SGCZ: variants seen among roughly 807,000 people sequenced by gnomAD.
SGCZ encodes the protein zeta-sarcoglycan.
SGCZ carries 40 observed loss-of-function variants against 41.3 expected under a neutral mutation model. The observed-to-expected ratio is 0.97, with a 90% CI of 0.75 to 1.26. The LOEUF is 1.26. SGCZ is among the 50% of genes most tolerant of loss of function. The pLI is 0.00. For missense variants in SGCZ, 552 were observed against 369.8 expected, an observed-to-expected ratio of 1.49 and a Z score of -4.04; for synonymous variants, 206 against 137.5, an observed-to-expected ratio of 1.50 and a Z score of -3.49.
At chr8:15,191,573 ATT>A (rs1298843345) in intron 1 of SGCZ, among the ~76,000 whole-genome samples, 1 of 151,998 alleles carries the variant, frequency 6.6e-6, no homozygotes, top group Admixed American at 6.6e-5. Flanking sequence ...CTAATTCATC[ATT>A]GTTTTTGAAA....
intron 1 of SGCZ, among the ~76,000 whole-genome samples, chr8:15,209,348 T>C (rs577676704): frequency 2.4e-4 from 37 of 152,046 alleles, no homozygotes; most frequent in Non-Finnish European, 3.7e-4. Context: ...AAGGGAGTAC[T>C]AAAAATTAAG....
chr8:14,375,924 C>G (rs1160830506), intron 2 of SGCZ, among the ~76,000 whole-genome samples: 1 of 152,088 alleles, frequency 6.6e-6, no homozygotes, highest in East Asian at 1.9e-4. Context: ...TATCAAAATG[C>G]TGGTCCCTGA....
intron 5 of SGCZ, among the ~76,000 whole-genome samples, chr8:14,110,875 A>G (rs1472786328): frequency 1.3e-5 from 2 of 152,062 alleles, no homozygotes; most frequent in Non-Finnish European, 2.9e-5. Context: ...CAACAGGGCA[A>G]AAATCCTCTC....
intron 4 of SGCZ, among the ~76,000 whole-genome samples, chr8:14,213,116 A>G (rs1266694493): frequency 2.0e-5 from 3 of 152,088 alleles, no homozygotes; most frequent in Non-Finnish European, 4.4e-5. Context: ...ACAGAAGGAG[A>G]GGAGTAAGAA....
chr8:14,256,643 T>C (rs1264275903), intron 3 of SGCZ, among the ~76,000 whole-genome samples: 3 of 152,188 alleles, frequency 2.0e-5, no homozygotes. Context: ...ATTAGAAAGA[T>C]GTAGTTTACC....
intron 2 of SGCZ, among the ~76,000 whole-genome samples, chr8:14,506,057 G>A (rs1456075973): frequency 6.6e-6 from 1 of 151,634 alleles, no homozygotes; most frequent in Non-Finnish European, 1.5e-5. Flanking sequence ...AATTTTCTGG[G>A]CCAGGTGCAG....
intron 1 of SGCZ, among the ~76,000 whole-genome samples, chr8:15,016,071 C>A (rs926019964): frequency 1.3e-5 from 2 of 152,126 alleles, no homozygotes; most frequent in African/African-American, 4.8e-5. Flanking sequence ...TTATATCCTG[C>A]TGATTAGCCA....
intron 1 of SGCZ, among the ~76,000 whole-genome samples, chr8:14,566,510 A>C (rs570347754): frequency 6.6e-6 from 1 of 152,358 alleles, no homozygotes; most frequent in African/African-American, 2.4e-5. Context: ...AAGAAAGGTG[A>C]AAGCTTTACT....
chr8:14,645,210 A>G (rs911370278), intron 1 of SGCZ, among the ~76,000 whole-genome samples: 3 of 151,628 alleles, frequency 2.0e-5, no homozygotes, highest in African/African-American at 7.3e-5. Context: ...ATTACTCTAC[A>G]AAATTTTTGG....
At chr8:14,131,201 G>C (rs1407474182) in intron 5 of SGCZ, among the ~76,000 whole-genome samples, 1 of 152,108 alleles carries the variant, frequency 6.6e-6, no homozygotes, top group Non-Finnish European at 1.5e-5. Context: ...AAAAGATGCC[G>C]CTTCAGAGGT....
At chr8:14,580,357 T>A (rs17309611) in intron 1 of SGCZ, among the ~76,000 whole-genome samples, 2 of 152,190 alleles carry the variant, frequency 1.3e-5, no homozygotes, top group African/African-American at 2.4e-5. Flanking sequence ...GAAACCATTT[T>A]TGAAGTTTAA....
chr8:14,713,251 G>A (rs548769274), intron 1 of SGCZ, among the ~76,000 whole-genome samples: 4 of 152,122 alleles, frequency 2.6e-5, no homozygotes, highest in Admixed American at 1.3e-4. Context: ...ATCAAAGTTA[G>A]ACAAATTAAA....
At chr8:14,808,071 A>G (rs1264524493) in intron 1 of SGCZ, among the ~76,000 whole-genome samples, 1 of 152,166 alleles carries the variant, frequency 6.6e-6, no homozygotes, top group African/African-American at 2.4e-5. Flanking sequence ...ACCTTATACA[A>G]AAATTAATTC....
chr8:15,047,322 C>G (rs1804345460), intron 1 of SGCZ, among the ~76,000 whole-genome samples: 1 of 152,026 alleles, frequency 6.6e-6, no homozygotes, highest in Admixed American at 6.6e-5. Flanking sequence ...GTTTTCATTT[C>G]CCAGAAATTC....
chr8:14,489,930 C>T (rs1037984125), intron 2 of SGCZ, among the ~76,000 whole-genome samples: 2 of 147,842 alleles, frequency 1.4e-5, no homozygotes, highest in Admixed American at 6.9e-5. Context: ...ACAAGTGGCA[C>T]GATCTTGGCT....
chr8:14,971,645 C>CTTTTT (rs11456903), intron 1 of SGCZ, among the ~76,000 whole-genome samples: 3 of 114,682 alleles, frequency 2.6e-5, no homozygotes, highest in Admixed American at 1.0e-4. Flanking sequence ...ATTTTATATA[C>CTTTTT]TTTTTTTTTT....
In SGCZ at chr8:14,433,021, T is replaced by C. The variant is rs907716815; in HGVS notation, c.235-108817A>G. On this transcript the variant is annotated intron_variant, in intron 2 of 7. Transcript: ENST00000382080. The stretch of plus-strand genomic sequence containing the variant: ...ACAAAACTAAAGAAAAAAAACATTG[T>C]TTCTCAAACTTAAAAATGAAAAGCA... Among the ~76,000 whole-genome samples the C allele has an allele frequency of 4.0e-5, 6 of 151,734 alleles. No homozygotes were observed. In the East Asian group the frequency reaches 1.2e-3, roughly 29 times the overall value.
At chr8:15,106,519 T>C (rs1375363773) in intron 1 of SGCZ, among the ~76,000 whole-genome samples, 1 of 152,228 alleles carries the variant, frequency 6.6e-6, no homozygotes, top group East Asian at 1.9e-4. Flanking sequence ...TTTGGTATTG[T>C]AAATGAAACT....
chr8:14,788,894 C>T (rs1251578724), intron 1 of SGCZ, among the ~76,000 whole-genome samples: 2 of 151,922 alleles, frequency 1.3e-5, no homozygotes, highest in African/African-American at 2.4e-5. Context: ...GAAGATTGCT[C>T]GGGGCCAGGA....
Sources: gnomAD v4.1 joint callset for allele counts (sites outside exome capture counted in the v4.1 genomes callset) on GRCh38, gnomAD v4.1.1 for gene constraint, MANE v1.5 for transcripts, NCBI Gene and HGNC (gene_info 2026-07-23, HGNC 2026-07-21) for gene names.